Variants in ACSM1 observed in about 807,000 individuals in gnomAD.
ACSM1 encodes acyl-coenzyme A synthetase ACSM1, mitochondrial.
Under a neutral mutation model 75.8 loss-of-function variants are expected in ACSM1, and 79 were observed. The ratio of observed to expected loss-of-function variants is 1.04; its 90% confidence interval spans 0.87 to 1.26. The LOEUF (loss-of-function observed/expected upper bound fraction) is 1.26, where lower values mean the gene tolerates loss of function less well. Among genes scored for constraint, ACSM1 ranks in the 50% most tolerant of loss-of-function variants. The pLI is 0.00. For synonymous variants in ACSM1, 279 were observed against 265.8 expected (o/e 1.05, Z -0.48); for missense variants, 676 against 720.1 (o/e 0.94, Z 0.70).
At position 20,691,183 on chromosome 16, in the gene ACSM1, C is replaced by T; in HGVS notation, c.6G>A (p.Gln2=). ...AGAGGGTCCGGAACCTCATTAGCCA[C>T]TGCATGGTGAAACAGTCCTCAGAAA... M[Q]WLMRFRTLWG... is the part of the protein sequence containing the mutation. Residue 2 remains glutamine, a synonymous_variant, in exon 2 of 14, where the codon CAG becomes CAA. Coordinates refer to ENST00000520010, the MANE Select transcript of ACSM1 (RefSeq NM_001318890.3). The T allele has an allele frequency of 6.3e-7, 1 of 1,580,804 alleles. No individual in the cohort carries two copies. The highest frequency in any genetic ancestry group is 8.6e-7 in the Non-Finnish European group (1 of 1,167,186).
At chr16:20,695,729 A>G (rs1428057661) in intron 1 of ACSM1, among the ~76,000 whole-genome samples, 2 of 151,942 alleles carry the variant, frequency 1.3e-5, no homozygotes, top group Non-Finnish European at 2.9e-5. Flanking sequence ...CTGATCTCCA[A>G]GTGTTGAGGA....
chr16:20,674,160 A>G (rs898471550), intron 4 of ACSM1: 2 of 422,454 alleles, frequency 4.7e-6, no homozygotes, highest in Non-Finnish European at 9.5e-6. Context: ...AGTTGTATGT[A>G]AGAAAACCCA....
intron 10 of ACSM1, among the ~76,000 whole-genome samples, chr16:20,632,012 G>C (rs566744728): frequency 2.6e-3 from 395 of 152,134 alleles, no homozygotes; most frequent in African/African-American, 9.2e-3. Flanking sequence ...AATTAAAAGG[G>C]CACTAACACC....
In ACSM1 at chr16:20,623,990, T is replaced by C. The variant is rs1031146327; in HGVS notation, c.1647+106A>G. 2.6e-5 allele frequency: 40 copies of C among 1,516,632 alleles called. No individual in the cohort carries two copies. In the Admixed American group the frequency reaches 3.9e-4, roughly 15 times the overall value. 93.9% of individuals were successfully genotyped at this position (1,516,632 alleles called of 1,614,324 possible). On this transcript the variant is annotated intron_variant, in intron 13 of 13. Transcript: ENST00000520010. ...AGCAGAAAAAGAGCCTTCAGTGTTGTAAACCTCCATTGTTTGGGGCTGTTT... is the reference window on the plus strand; with the variant it reads ...AGCAGAAAAAGAGCCTTCAGTGTTGCAAACCTCCATTGTTTGGGGCTGTTT...
intron 7 of ACSM1, among the ~76,000 whole-genome samples, chr16:20,657,735 C>T (rs2019058594): frequency 6.6e-6 from 1 of 151,768 alleles, no homozygotes; most frequent in East Asian, 1.9e-4. Context: ...TTAGGTATAT[C>T]TCCTAATGTT....
chr16:20,644,754 C>G (rs904088666), intron 7 of ACSM1, among the ~76,000 whole-genome samples: 55 of 152,240 alleles, frequency 3.6e-4, no homozygotes, highest in African/African-American at 1.2e-3. Context: ...TAAACAAGGT[C>G]TTATAGACAG....
At chr16:20,680,801 A>G (rs2079428752) in intron 4 of ACSM1, 1 of 152,204 alleles carries the variant, frequency 6.6e-6, no homozygotes, top group South Asian at 2.1e-4. Flanking sequence ...GAGGTTCCAA[A>G]TGCTTCGAAA....
In ACSM1 at chr16:20,682,444, C is replaced by T. The variant is rs764978151; in HGVS notation, c.423G>A (p.Ala141=). 9 of 1,613,364 alleles carry T rather than the reference C, an allele frequency of 5.6e-6. No homozygotes were observed. In the South Asian group the frequency reaches 7.7e-5, roughly 14 times the overall value. Residue 141 remains alanine, a synonymous_variant, in exon 4 of 14, where the codon GCG becomes GCA. Coordinates refer to ENST00000520010, the MANE Select transcript of ACSM1 (RefSeq NM_001318890.3). Reference sequence around the variant, plus strand: ...TGTCTTTGGCCTTCAACAGGATGGTCGCAGGAATGAAGATGATCCCTGGGG... The same window carrying T: ...TGTCTTTGGCCTTCAACAGGATGGTTGCAGGAATGAAGATGATCCCTGGGG... The part of the protein sequence containing the change: ...CMRTGIIFIP[A]TILLKAKDIL...
chr16:20,671,305 T>C (rs140621053), intron 5 of ACSM1, among the ~76,000 whole-genome samples: 1 of 152,032 alleles, frequency 6.6e-6, no homozygotes, highest in Non-Finnish European at 1.5e-5. Flanking sequence ...GTGCCTCCTT[T>C]GTCACTCTCA....
At chr16:20,691,510 A>T (rs1402629840) in intron 1 of ACSM1, among the ~76,000 whole-genome samples, 1 of 152,092 alleles carries the variant, frequency 6.6e-6, no homozygotes, top group African/African-American at 2.4e-5. Context: ...TCAGCCCAGG[A>T]TGGAAGCCAT....
intron 10 of ACSM1, among the ~76,000 whole-genome samples, chr16:20,630,247 G>T (rs111728179): frequency 6.6e-6 from 1 of 151,544 alleles, no homozygotes; most frequent in African/African-American, 2.4e-5. Context: ...CACCGTGCCC[G>T]GCTAATCTTT....
chr16:20,630,438 C>A (rs1048096032), intron 10 of ACSM1, among the ~76,000 whole-genome samples: 6 of 152,096 alleles, frequency 3.9e-5, no homozygotes, highest in Non-Finnish European at 5.9e-5. Context: ...ATGATATTGT[C>A]TATTAATAGA....
rs748430793 is a variant in ACSM1, at chr16:20,636,716, G to C, written c.1299+23C>G. On this transcript the variant is annotated intron_variant, in intron 10 of 13. Transcript: ENST00000520010. ...CTGTTGGGATCCTTGGGGCCAGGAT[G>C]GGGGCAGATGGGGGGTCATTACCTC... 2.5e-6 allele frequency: 4 copies of C among 1,581,674 alleles called. No homozygotes were observed. In the East Asian group the frequency reaches 6.7e-5, roughly 27 times the overall value.
intron 9 of ACSM1, chr16:20,637,135 G>A: frequency 1.3e-6 from 1 of 760,634 alleles, no homozygotes; most frequent in Middle Eastern, 2.3e-4. Flanking sequence ...GCAGCCTCTA[G>A]GTATTCTTTC....
At chr16:20,630,739 A>T (rs2017291605) in intron 10 of ACSM1, among the ~76,000 whole-genome samples, 1 of 152,226 alleles carries the variant, frequency 6.6e-6, no homozygotes, top group Non-Finnish European at 1.5e-5. Flanking sequence ...TCAAGTGCAC[A>T]TGGAACATTC....
At chr16:20,676,046 A>G (rs2020256785) in intron 4 of ACSM1, 1 of 152,270 alleles carries the variant, frequency 6.6e-6, no homozygotes, top group Non-Finnish European at 1.5e-5. Flanking sequence ...TCCTCCCTAC[A>G]TTCCAATCTA....
At chr16:20,656,046 T>C (rs1036309732) in intron 7 of ACSM1, among the ~76,000 whole-genome samples, 2 of 152,182 alleles carry the variant, frequency 1.3e-5, no homozygotes, top group Non-Finnish European at 2.9e-5. Context: ...TGCTACTCTT[T>C]CTCTGTTGAA....
At chr16:20,690,284 G>C (rs1191050202) in intron 2 of ACSM1, among the ~76,000 whole-genome samples, 1 of 152,138 alleles carries the variant, frequency 6.6e-6, no homozygotes, top group Non-Finnish European at 1.5e-5. Context: ...TTGGCAGCTG[G>C]GAGTTAGTGG....
chr16:20,694,220 TCCCGTTCCAGCCAGTGGAAACCGGACA>T (rs2079677950), intron 1 of ACSM1, among the ~76,000 whole-genome samples: 1 of 152,138 alleles, frequency 6.6e-6, no homozygotes. Flanking sequence ...GAATGTGAGG[TCCCGTTCCAGCCAGTGGAAACCGGACA>T]CAGCAGTAGG....
Sources: gnomAD v4.1 joint callset for allele counts (sites outside exome capture counted in the v4.1 genomes callset) on GRCh38, gnomAD v4.1.1 for gene constraint, MANE v1.5 for transcripts, NCBI Gene and HGNC (gene_info 2026-07-23, HGNC 2026-07-21) for gene names.